TMEM132E: variants seen among roughly 807,000 people sequenced by gnomAD.
TMEM132E encodes the protein transmembrane protein 132E.
In TMEM132E, 49 loss-of-function variants were observed where a neutral mutation model predicts 78.5. The observed-to-expected ratio is 0.62, with a 90% CI of 0.50 to 0.79. The LOEUF is 0.79. Among genes scored for constraint, TMEM132E ranks in the 30% least tolerant of loss-of-function variants. The probability of loss-of-function intolerance (pLI) is 0.00; values close to 1 mark genes in which losing one functional copy is unlikely to be tolerated. For missense variants in TMEM132E, 1,403 were observed against 1,470.9 expected (o/e 0.95, Z 0.75); for synonymous variants, 715 against 670.6 (o/e 1.07, Z -1.02).
At chr17:34,608,282 A>G (rs1021643175) in intron 1 of TMEM132E, among the ~76,000 whole-genome samples, 4 of 152,222 alleles carry the variant, frequency 2.6e-5, no homozygotes, top group Non-Finnish European at 5.9e-5. Flanking sequence ...TTATTACGTC[A>G]CAATGTCACA....
chr17:34,628,428 G>A, intron 2 of TMEM132E, 135 bp from the exon 3 acceptor site: 1 of 1,040,958 alleles, frequency 9.6e-7, no homozygotes, highest in Middle Eastern at 2.4e-4. Flanking sequence ...ACATTCATCT[G>A]AAACATCCAG....
intron 1 of TMEM132E, chr17:34,614,270 A>G (rs1390670637): frequency 6.6e-6 from 1 of 152,180 alleles, no homozygotes; most frequent in African/African-American, 2.4e-5. Context: ...CTGACAAATA[A>G]ACCTCCTGAC....
intron 1 of TMEM132E, among the ~76,000 whole-genome samples, chr17:34,621,877 G>C (rs900698075): frequency 1.3e-5 from 2 of 152,096 alleles, no homozygotes; most frequent in African/African-American, 4.8e-5. Context: ...GCACACCTTA[G>C]TGTTGTGCGT....
At chr17:34,593,777 CCTT>C (rs1321698198) in intron 1 of TMEM132E, among the ~76,000 whole-genome samples, 2 of 152,252 alleles carry the variant, frequency 1.3e-5, no homozygotes, top group Non-Finnish European at 2.9e-5. Flanking sequence ...AAATCATCAC[CCTT>C]CTTCTCAGAA....
chr17:34,579,800 TGCGCAGG>T lies in TMEM132E; in HGVS notation c.-1276_-1270del, dbSNP rs1448068497. The T allele has an allele frequency of 5.9e-5, 9 of 152,162 alleles. No homozygotes were observed. The highest frequency in any genetic ancestry group is 2.2e-4 in the African/African-American group (9 of 41,438). The allele number at this position is 152,162 out of a possible 1,614,324, so 9.4% of individuals were successfully genotyped here. Reference sequence around the variant, plus strand: ...AGCTGCCGCTTCCCTGGCCGCAAGCTGCGCAGGTGCCGGCTGCCCTGGCCCCTGGCGC... The same window carrying T: ...AGCTGCCGCTTCCCTGGCCGCAAGCTTGCCGGCTGCCCTGGCCCCTGGCGC... On this transcript the variant is annotated 5_prime_UTR_variant, in exon 1 of 9. An upstream open reading frame in the 5' UTR loses its in-frame stop. Transcript: ENST00000631683.
chr17:34,630,251 T>G, intron 5 of TMEM132E, 100 bp downstream of exon 5: 1 of 1,329,636 alleles, frequency 7.5e-7, no homozygotes, highest in Non-Finnish European at 1.0e-6. Context: ...TTACTCATCC[T>G]CTAACACTGA....
At position 34,627,056 on chromosome 17, in the gene TMEM132E, A is replaced by G; in HGVS notation, c.997A>G (p.Arg333Gly). ...SSPSVEHFTLRVKAKKGVTLL... is the reference protein window; with the variant it reads ...SSPSVEHFTLGVKAKKGVTLL... ...CCCCAGCGTGGAGCACTTCACACTC[A>G]GGTAGTAGGGAAGATGGGTGGGGAT... The change falls in exon 2 of 9, where the codon AGG (arginine) becomes GGG (glycine). Residue 333 changes from arginine to glycine, a missense_variant and splice_region_variant. By Grantham distance (125) the Arg-to-Gly change is moderately radical. Coordinates refer to ENST00000631683, the MANE Select transcript of TMEM132E (RefSeq NM_001304438.2). 6.6e-7 allele frequency: 1 copy of G among 1,517,948 alleles called. No homozygotes were observed. The highest frequency in any genetic ancestry group is 1.4e-5 in the African/African-American group (1 of 71,468). The allele number at this position is 1,517,948 out of a possible 1,614,324, so 94.0% of individuals were successfully genotyped here. A position where few individuals can be genotyped will look rare whatever the true frequency, so the allele number is the denominator to read the frequency against.
At chr17:34,588,316 A>G (rs1000329418) in intron 1 of TMEM132E, among the ~76,000 whole-genome samples, 1 of 152,144 alleles carries the variant, frequency 6.6e-6, no homozygotes, top group Admixed American at 6.5e-5. Context: ...CGTGGTTTTA[A>G]TTCTGCATTG....
intron 1 of TMEM132E, among the ~76,000 whole-genome samples, chr17:34,623,060 G>A (rs1053196118): frequency 5.9e-5 from 9 of 152,136 alleles, no homozygotes; most frequent in East Asian, 1.9e-4. Flanking sequence ...CAGGAGGAAC[G>A]GCAATGCAAA....
intron 1 of TMEM132E, among the ~76,000 whole-genome samples, chr17:34,595,498 G>C (rs1473757402): frequency 6.6e-6 from 1 of 152,214 alleles, no homozygotes; most frequent in Non-Finnish European, 1.5e-5. Context: ...CCTGCACTGA[G>C]AGCCTGTGTG....
At chr17:34,602,167 CAG>C (rs1229393712) in intron 1 of TMEM132E, among the ~76,000 whole-genome samples, 4 of 152,248 alleles carry the variant, frequency 2.6e-5, no homozygotes, top group Admixed American at 6.5e-5. Flanking sequence ...ATGTTGTCTC[CAG>C]AGAGAGACAG....
intron 1 of TMEM132E, chr17:34,614,783 A>G (rs913354195): frequency 2.0e-5 from 3 of 152,288 alleles, no homozygotes; most frequent in African/African-American, 7.2e-5. Context: ...TGAGTTGTAC[A>G]TATTGTAGTC....
chr17:34,608,411 T>C (rs768467881), intron 1 of TMEM132E, among the ~76,000 whole-genome samples: 7 of 152,314 alleles, frequency 4.6e-5, no homozygotes, highest in South Asian at 2.1e-4. Context: ...CTGTATACAG[T>C]TGGGAAGACG....
At chr17:34,598,828 C>T (rs930552212) in intron 1 of TMEM132E, among the ~76,000 whole-genome samples, 1 of 152,204 alleles carries the variant, frequency 6.6e-6, no homozygotes, top group African/African-American at 2.4e-5. Flanking sequence ...CCTGGCCTAG[C>T]AATTTTGGGT....
chr17:34,596,885 AAAT>A (rs912371237), intron 1 of TMEM132E, among the ~76,000 whole-genome samples: 17 of 150,684 alleles, frequency 1.1e-4, no homozygotes, highest in African/African-American at 4.1e-4. Context: ...AGGAAGAAAG[AAAT>A]AATAATAACT....
rs200982924 is a variant in TMEM132E at position 34,626,297 on chromosome 17, G to T, written c.238G>T (p.Val80Leu). 2 of 1,611,136 alleles carry T rather than the reference G, an allele frequency of 1.2e-6. No homozygotes were observed. The highest frequency in any genetic ancestry group is 2.2e-5 in the South Asian group (2 of 90,450). The change falls in exon 2 of 9, where the codon GTG becomes TTG. Residue 80 changes from valine to leucine, a missense_variant. Physicochemically the swap from Val to Leu is conservative, Grantham distance 32. Transcript: ENST00000631683. ...NSSLQRSEPF[V>L]VFQTKELPVL... ...CTCTCTGCAGCGCTCCGAGCCCTTC[G>T]TGGTGTTCCAGACCAAGGAGCTGCC...
At chr17:34,581,415 C>T (rs75420173) in intron 1 of TMEM132E, among the ~76,000 whole-genome samples, 3,246 of 152,110 alleles carry the variant, frequency 0.021, 52 homozygotes, top group African/African-American at 0.04. Flanking sequence ...ACCCGAAGGT[C>T]TGGGGTCGTG....
chr17:34,622,696 G>T (rs932360221), intron 1 of TMEM132E, among the ~76,000 whole-genome samples: 2 of 152,158 alleles, frequency 1.3e-5, no homozygotes, highest in South Asian at 2.1e-4. Context: ...CTTATTCAGA[G>T]AATTTCATTC....
At chr17:34,601,027 G>A (rs1230032359) in intron 1 of TMEM132E, among the ~76,000 whole-genome samples, 1 of 152,178 alleles carries the variant, frequency 6.6e-6, no homozygotes, top group Non-Finnish European at 1.5e-5. Flanking sequence ...CCATTGGGCT[G>A]GACAAATGGC....
Sources: gnomAD v4.1 joint callset for allele counts (sites outside exome capture counted in the v4.1 genomes callset) on GRCh38, gnomAD v4.1.1 for gene constraint, MANE v1.5 for transcripts, NCBI Gene and HGNC (gene_info 2026-07-23, HGNC 2026-07-21) for gene names.